The following ACYP2 variants were observed in gnomAD, a reference collection of about 807,000 sequenced individuals.
ACYP2 encodes the protein acylphosphatase-2.
In ACYP2, 12 loss-of-function variants were observed where a neutral mutation model predicts 11.2. The ratio of observed to expected loss-of-function variants is 1.08; its 90% CI spans 0.69 to 1.74. The LOEUF (loss-of-function observed/expected upper bound fraction) is 1.74. ACYP2 is among the 40% of genes most tolerant of loss of function. The pLI is 0.00. For missense variants in ACYP2, 134 were observed against 101.9 expected (o/e 1.31, Z -1.35); for synonymous variants, 43 against 32.2 (o/e 1.33, Z -1.13).
At chr2:54,216,322 A>G (rs1285077909) in intron 6 of ACYP2, among the ~76,000 whole-genome samples, 1 of 152,040 alleles carries the variant, frequency 6.6e-6, no homozygotes, top group East Asian at 1.9e-4. Flanking sequence ...CTTTTTCTCA[A>G]AGTTTTTTGG....
At chr2:54,065,234 G>A (rs575063527) in intron 4 of ACYP2, among the ~76,000 whole-genome samples, 1 of 152,278 alleles carries the variant, frequency 6.6e-6, no homozygotes, top group Non-Finnish European at 1.5e-5. Flanking sequence ...CGTTATTACT[G>A]GATGTGAGGA....
At chr2:54,265,126 C>T (rs1016842843) in intron 6 of ACYP2, among the ~76,000 whole-genome samples, 1 of 152,124 alleles carries the variant, frequency 6.6e-6, no homozygotes, top group Non-Finnish European at 1.5e-5. Flanking sequence ...AAAAGATAAG[C>T]ATGTGTATTA....
chr2:54,068,646 CCTCATAATAAAGT>C (rs1676866751), intron 4 of ACYP2, among the ~76,000 whole-genome samples: 1 of 152,148 alleles, frequency 6.6e-6, no homozygotes, highest in African/African-American at 2.4e-5. Context: ...ATGTCTGTGT[CCTCATAATAAAGT>C]CTCTCTTTTT....
chr2:54,149,356 G>T (rs569598533), intron 6 of ACYP2, among the ~76,000 whole-genome samples: 3 of 152,240 alleles, frequency 2.0e-5, no homozygotes, highest in Non-Finnish European at 4.4e-5. Context: ...GTGGATGTGT[G>T]TGTTTTCTTC....
intron 6 of ACYP2, among the ~76,000 whole-genome samples, chr2:54,263,606 T>C (rs952954046): frequency 1.3e-5 from 2 of 151,592 alleles, no homozygotes; most frequent in East Asian, 1.9e-4. Flanking sequence ...TTGGGTGACA[T>C]AGTGACACAC....
chr2:54,267,008 C>A (rs1024306310), intron 6 of ACYP2, among the ~76,000 whole-genome samples: 1 of 152,144 alleles, frequency 6.6e-6, no homozygotes. Context: ...TCCTTTTAAA[C>A]TCTACGGGGT....
rs1033972883 is a variant in ACYP2, at chr2:53,981,197, C to G, written c.62+7387C>G. 2.0e-5 allele frequency among the ~76,000 whole-genome samples: 3 copies of G among 152,102 alleles called. No homozygotes were observed. The Admixed American group carries it at 2.0e-4, about 10-fold the overall frequency. ...AGATTTGTTGCCTAGAAGTGTTACA[C>G]AGCCTAGAAGTGTTACCAGTGGAGG... is the stretch of plus-strand genomic sequence containing the variant. On this transcript the variant is annotated intron_variant, in intron 2 of 6. Transcript: ENST00000607452.
intron 4 of ACYP2, among the ~76,000 whole-genome samples, chr2:54,099,636 T>C (rs1168337253): frequency 6.6e-6 from 1 of 152,228 alleles, no homozygotes; most frequent in Admixed American, 6.5e-5. Context: ...CACTGTTCCA[T>C]TATGTTTATA....
At chr2:54,204,162 A>AT (rs1027926947) in intron 6 of ACYP2, among the ~76,000 whole-genome samples, 7 of 151,416 alleles carry the variant, frequency 4.6e-5, no homozygotes, top group African/African-American at 1.5e-4. Context: ...GCCCAGCTAA[A>AT]TTTTTTTTGT....
chr2:54,015,493 A>G (rs1182700596), intron 2 of ACYP2, among the ~76,000 whole-genome samples: 1 of 151,712 alleles, frequency 6.6e-6, no homozygotes, highest in Non-Finnish European at 1.5e-5. Flanking sequence ...AAAAAAAAAT[A>G]CAAAAAGTCA....
At chr2:54,201,582 T>TTTTC (rs879658092) in intron 6 of ACYP2, among the ~76,000 whole-genome samples, 1 of 111,962 alleles carries the variant, frequency 8.9e-6, no homozygotes, top group African/African-American at 3.3e-5. Context: ...GCCAGCTTCT[T>TTTTC]TTTCTTTCTT....
intron 2 of ACYP2, among the ~76,000 whole-genome samples, chr2:53,994,147 G>A (rs1453302103): frequency 1.3e-5 from 2 of 152,034 alleles, no homozygotes; most frequent in Admixed American, 6.6e-5. Flanking sequence ...TGGCTAACAC[G>A]GTGAAAACCC....
intron 6 of ACYP2, among the ~76,000 whole-genome samples, chr2:54,304,384 G>A (rs901178576): frequency 1.1e-3 from 165 of 152,184 alleles, no homozygotes; most frequent in African/African-American, 3.9e-3. Context: ...TTGAGTATAA[G>A]AGCCAGGTAA....
intron 6 of ACYP2, among the ~76,000 whole-genome samples, chr2:54,143,545 TGC>T (rs1461138758): frequency 6.6e-6 from 1 of 152,068 alleles, no homozygotes; most frequent in Non-Finnish European, 1.5e-5. Flanking sequence ...GCAATTCTTC[TGC>T]CTCAGCCTCC....
rs527826483 is a variant in ACYP2 at position 54,075,763 on chromosome 2, A to G, written c.277+18403A>G. On this transcript the variant is annotated intron_variant, in intron 4 of 6. Transcript: ENST00000607452. ...GGGAGGCCGAGGTTGCAGTCAGCCAAGATCACGCCACTGCACTCCAGCCTG... is the reference window on the plus strand; with the variant it reads ...GGGAGGCCGAGGTTGCAGTCAGCCAGGATCACGCCACTGCACTCCAGCCTG... Among the ~76,000 whole-genome samples, 3 of 152,218 alleles carry G rather than the reference A, an allele frequency of 2.0e-5. No homozygotes were observed. The South Asian group carries it at 6.2e-4, about 32-fold the overall frequency.
chr2:54,097,887 C>CT lies in ACYP2; in HGVS notation c.278-37566_278-37565insT, dbSNP rs201169926. Among the ~76,000 whole-genome samples, 215 of 96,944 alleles carry CT rather than the reference C, an allele frequency of 2.2e-3. 3 individuals carry two copies. The highest frequency in any genetic ancestry group is 0.013 in the African/African-American group (195 of 14,842). 63.6% of individuals were successfully genotyped at this position (96,944 alleles called of 152,430 possible). ...CTTTCTCTTTCTCTCTCTCTCTCTC[C>CT]CCTCCCTCCCTCCTTCCTTCCTTTC... On this transcript the variant is annotated intron_variant, in intron 4 of 6. Transcript: ENST00000607452.
At chr2:54,256,722 G>A (rs1442735912) in intron 6 of ACYP2, among the ~76,000 whole-genome samples, 2 of 152,218 alleles carry the variant, frequency 1.3e-5, no homozygotes, top group Non-Finnish European at 2.9e-5. Flanking sequence ...GCTCACTGAA[G>A]CTGCCGCCTC....
chr2:54,070,898 A>G (rs1195204437), intron 4 of ACYP2, among the ~76,000 whole-genome samples: 1 of 150,170 alleles, frequency 6.7e-6, no homozygotes, highest in African/African-American at 2.5e-5. Context: ...ACACCCAGCT[A>G]TTTGTTTGTT....
chr2:54,023,082 C>G (rs908873139), intron 2 of ACYP2, among the ~76,000 whole-genome samples: 2 of 152,020 alleles, frequency 1.3e-5, no homozygotes, highest in African/African-American at 4.8e-5. Flanking sequence ...CCAGCCTGAC[C>G]AAAAAGGGTA....
Sources: allele counts gnomAD v4.1 joint callset (sites outside exome capture counted in the v4.1 genomes callset), GRCh38; gene constraint gnomAD v4.1.1; transcripts MANE v1.5; gene names NCBI Gene and HGNC (gene_info 2026-07-23, HGNC 2026-07-21).